DHX38: variants seen among roughly 807,000 people sequenced by gnomAD.
DHX38 encodes the protein DEAH-box helicase 38, also known as pre-mRNA-splicing factor ATP-dependent RNA helicase PRP16.
A neutral mutation model predicts 153.1 loss-of-function variants in DHX38; 100 were observed. The observed-to-expected ratio is 0.65, with a 90% confidence interval of 0.56 to 0.77. The LOEUF (loss-of-function observed/expected upper bound fraction) is 0.77. DHX38 is among the 30% of genes least tolerant of loss of function. The pLI is 0.00. For missense variants in DHX38, 1,440 were observed against 1,654.0 expected (o/e 0.87, Z 2.24); for synonymous variants, 650 against 631.7 (o/e 1.03, Z -0.43).
In DHX38 at chr16:72,103,617, G is replaced by A. The variant is rs771638072; in HGVS notation, c.1653G>A (p.Val551=). ...LLTIIRDNSI[V]IVVGETGSGK... is the part of the protein sequence containing the mutation. Reference sequence around the variant, plus strand: ...GTCCTTGTAGAGACAACAGCATCGTGATCGTGGTTGGGGAGACGGGGAGTG... The same window carrying A: ...GTCCTTGTAGAGACAACAGCATCGTAATCGTGGTTGGGGAGACGGGGAGTG... Residue 551 remains valine, a synonymous_variant, in exon 13 of 27, where the codon GTG becomes GTA. Transcript: ENST00000268482. 3 of 1,609,286 alleles carry A rather than the reference G, an allele frequency of 1.9e-6. No homozygotes were observed. Among genetic ancestry groups the A allele is most frequent in the Non-Finnish European group, 2.6e-6 (3 of 1,175,840 alleles).
rs957959745 is a variant in DHX38 at position 72,104,870 on chromosome 16, T to A, written c.2152-157T>A. Among the ~76,000 whole-genome samples the A allele has an allele frequency of 2.0e-5, 3 of 152,162 alleles. No homozygotes were observed. The highest frequency in any genetic ancestry group is 4.4e-5 in the Non-Finnish European group (3 of 68,032). On this transcript the variant is annotated intron_variant, in intron 15 of 26. Transcript: ENST00000268482. The surrounding 1 kb of genome is among the most constrained non-coding windows in gnomAD (Gnocchi z 4.5). ...GGGCCCAGGGAGGCACTGTGCCCTC[T>A]TGTAGAGGCCTCGCAGTCAGGCCCA...
Position 72,096,538 on chromosome 16 carries a change from A to G in DHX38, c.323+58A>G, listed in dbSNP as rs1401706319. 2.0e-6 allele frequency: 3 copies of G among 1,502,916 alleles called. No homozygotes were observed. The Admixed American group carries it at 7.0e-5, about 35-fold the overall frequency. The allele number at this position is 1,502,916 out of a possible 1,614,324, so 93.1% of individuals were successfully genotyped here. A position where few individuals can be genotyped will look rare whatever the true frequency, so the allele number is the denominator to read the frequency against. On this transcript the variant is annotated intron_variant, in intron 2 of 26. Transcript: ENST00000268482. Reference sequence around the variant, plus strand: ...AAGCGAACGGAGGCTGGAAAATAACAGCTCATGTTTATCTCTCAGTTTTCC... The same window carrying G: ...AAGCGAACGGAGGCTGGAAAATAACGGCTCATGTTTATCTCTCAGTTTTCC...
chr16:72,100,697 G>A (rs2042087774), intron 9 of DHX38, 100 bp downstream of exon 9: 1 of 1,499,370 alleles, frequency 6.7e-7, no homozygotes. Flanking sequence ...TTGGGAGGCT[G>A]AGGAGGGTGG....
At chr16:72,105,431 T>C in intron 17 of DHX38, 83 bp downstream of exon 17, 2 of 1,595,920 alleles carry the variant, frequency 1.3e-6, no homozygotes, top group Non-Finnish European at 1.7e-6. Context: ...TGGCAGGGGG[T>C]GGGCTAGGAG....
intron 1 of DHX38, among the ~76,000 whole-genome samples, chr16:72,094,964 G>T (rs112558210): frequency 2.0e-5 from 3 of 152,306 alleles, no homozygotes; most frequent in African/African-American, 7.2e-5. Flanking sequence ...CCAATATGCA[G>T]CTTTCTTTTT....
At chr16:72,109,331 C>T in intron 24 of DHX38, 84 bp from the exon 25 acceptor site, 1 of 1,465,124 alleles carries the variant, frequency 6.8e-7, no homozygotes, top group Non-Finnish European at 9.3e-7. Flanking sequence ...TGGGCCCTTC[C>T]CATGTGGCTC....
intron 12 of DHX38, 46 bp from the exon 13 acceptor site, chr16:72,103,556 G>T (rs370780973): frequency 2.5e-6 from 4 of 1,577,746 alleles, no homozygotes; most frequent in African/African-American, 2.7e-5. Flanking sequence ...CTGGGTGTTG[G>T]CCTTCCACTT....
chr16:72,103,909 G>T lies in DHX38; in HGVS notation c.1825-37G>T, dbSNP rs76205029. ...TACGGGGTGTGCTGGTGGTGAGCCG[G>T]TGGCCAGGGCATCTGAGCCATCTCT... is the stretch of plus-strand genomic sequence containing the variant. On this transcript the variant is annotated intron_variant, in intron 13 of 26. Coordinates refer to ENST00000268482, the MANE Select transcript of DHX38 (RefSeq NM_014003.4). The T allele has an allele frequency of 3.9e-3, 6,258 of 1,609,946 alleles. 199 individuals are homozygous for T. In the African/African-American group the frequency reaches 0.074, roughly 19 times the overall value.
At position 72,101,304 on chromosome 16, in the gene DHX38, A is replaced by T. The variant is rs558396750; in HGVS notation, c.1386+111A>T. 1.5e-5 allele frequency: 20 copies of T among 1,293,588 alleles called. No individual in the cohort carries two copies. In the South Asian group the frequency reaches 2.0e-4, roughly 13 times the overall value. The allele number at this position is 1,293,588 out of a possible 1,614,324, so 80.1% of individuals were successfully genotyped here. On this transcript the variant is annotated intron_variant, in intron 10 of 26. Coordinates refer to ENST00000268482, the MANE Select transcript of DHX38 (RefSeq NM_014003.4). ...TAGAAGTTAGGAGTCCCCTCTATCA[A>T]GTCCTTAGGCCCGACAGCTGCGGGG...
rs768022071 is a variant in DHX38 at position 72,104,037 on chromosome 16, G to A, written c.1916G>A (p.Arg639Gln). The A allele has an allele frequency of 3.7e-6, 6 of 1,614,028 alleles. No individual in the cohort carries two copies. The highest frequency in any genetic ancestry group is 1.7e-5 in the Admixed American group (1 of 60,004). ...TDGILLRESLREADLDHYSAI... is the reference protein window; with the variant it reads ...TDGILLRESLQEADLDHYSAI... Reference sequence around the variant, plus strand: ...GGGATCCTGCTCCGAGAGTCCCTCCGGGAAGCCGACCTGGATCACTACAGT... The same window carrying A: ...GGGATCCTGCTCCGAGAGTCCCTCCAGGAAGCCGACCTGGATCACTACAGT... Residue 639 changes from arginine (R) to glutamine (Q), a missense_variant, in exon 14 of 27, where the codon CGG (arginine) becomes CAG (glutamine). Arg to Gln is a conservative substitution (Grantham distance 43). Around this residue, in one of 6 missense-constraint regions of DHX38, gnomAD observed 21 missense variants for 46.7 expected, o/e 0.45. Coordinates refer to ENST00000268482, the MANE Select transcript of DHX38 (RefSeq NM_014003.4). The surrounding 1 kb of genome is among the most constrained non-coding windows in gnomAD (Gnocchi z 4.5).
At chr16:72,099,946 A>T in intron 8 of DHX38, 59 bp downstream of exon 8, 1 of 1,544,960 alleles carries the variant, frequency 6.5e-7, no homozygotes, top group Non-Finnish European at 8.7e-7. Flanking sequence ...CACGTGGGGA[A>T]GCAGCAGGTT....
chr16:72,099,695 T>C, intron 7 of DHX38, 37 bp from the exon 8 acceptor site: 1 of 1,610,698 alleles, frequency 6.2e-7, no homozygotes, highest in African/African-American at 1.3e-5. Context: ...AAACTTGATC[T>C]GTCCCTCACT....
chr16:72,104,584 C>T lies in DHX38; in HGVS notation c.2109C>T (p.His703=), dbSNP rs377383154. 1 of 1,614,208 alleles carries T rather than the reference C, an allele frequency of 6.2e-7. No individual in the cohort carries two copies. The highest frequency in any genetic ancestry group is 8.5e-7 in the Non-Finnish European group (1 of 1,180,040). The stretch of plus-strand genomic sequence containing the variant: ...TTTTTGGGAATGTCCCCATCTTCCA[C>T]ATCCCTGGCCGTACCTTCCCTGTTG... ...AAFFGNVPIF[H]IPGRTFPVDI... Residue 703 remains histidine, a synonymous_variant, in exon 15 of 27, where the codon CAC becomes CAT. Transcript: ENST00000268482. The surrounding 1 kb of genome is among the most constrained non-coding windows in gnomAD (Gnocchi z 4.5).
rs778924797 is a variant in DHX38 at position 72,101,245 on chromosome 16, T to C, written c.1386+52T>C. The C allele has an allele frequency of 1.2e-4, 195 of 1,597,986 alleles. 2 individuals are homozygous for C. The South Asian group carries it at 2.0e-3, about 17-fold the overall frequency. On this transcript the variant is annotated intron_variant, in intron 10 of 26. Coordinates refer to ENST00000268482, the MANE Select transcript of DHX38 (RefSeq NM_014003.4). ...AAGTTTATGTGTATTTTTTTCTTTT[T>C]TCTTCTCTTCATAAGTCTTACTAGG...
Position 72,104,216 on chromosome 16 carries a change from T to C in DHX38, c.2010+85T>C. ...AGCTAGTGGGTTGCTCCAGGTGGGCTGAGGGGGTCTCTGGTAGGCCAGAGG... is the reference window on the plus strand; with the variant it reads ...AGCTAGTGGGTTGCTCCAGGTGGGCCGAGGGGGTCTCTGGTAGGCCAGAGG... On this transcript the variant is annotated intron_variant, in intron 14 of 26. Coordinates refer to ENST00000268482, the MANE Select transcript of DHX38 (RefSeq NM_014003.4). This position sits in a 1 kb window ranked among gnomAD's most constrained non-coding sequence, Gnocchi z 4.5. The C allele has an allele frequency of 1.3e-6, 2 of 1,510,216 alleles. No individual in the cohort carries two copies. Among genetic ancestry groups the C allele is most frequent in the East Asian group, 2.3e-5 (1 of 43,536 alleles). 93.6% of individuals were successfully genotyped at this position (1,510,216 alleles called of 1,614,324 possible). A position where few individuals can be genotyped will look rare whatever the true frequency, so the allele number is the denominator to read the frequency against.
At position 72,105,288 on chromosome 16, in the gene DHX38, G is replaced by T; in HGVS notation, c.2319G>T (p.Leu773=). The T allele has an allele frequency of 6.2e-7, 1 of 1,614,154 alleles. No individual in the cohort carries two copies. Among genetic ancestry groups the T allele is most frequent in the Non-Finnish European group, 8.5e-7 (1 of 1,180,026 alleles). ...HLEELENAPA[L]AVLPIYSQLP... ...AGGAACTGGAGAACGCGCCTGCCCT[G>T]GCTGTGCTGCCCATCTACTCTCAGC... The change falls in exon 17 of 27, where the codon CTG becomes CTT. Residue 773 remains leucine (L), a synonymous_variant. Transcript: ENST00000268482.
chr16:72,109,119 A>T (rs977552923), intron 24 of DHX38, among the ~76,000 whole-genome samples, 194 bp downstream of exon 24: 1 of 152,172 alleles, frequency 6.6e-6, no homozygotes, highest in Non-Finnish European at 1.5e-5. Context: ...TCTAGACTGC[A>T]TTGACCTCAG....
rs778940669 is a variant in DHX38, at chr16:72,104,495, C to A, written c.2020C>A (p.Arg674=). The change falls in exon 15 of 27, where the codon CGG becomes AGG. Residue 674 remains arginine (R), a synonymous_variant. Coordinates refer to ENST00000268482, the MANE Select transcript of DHX38 (RefSeq NM_014003.4). This position sits in a 1 kb window ranked among gnomAD's most constrained non-coding sequence, Gnocchi z 4.5. ...LFGLLREVVA[R]RSDLKLIVTS... is the part of the protein sequence containing the mutation. ...CCGCCTCTTCTCTCAGGTAGTGGCT[C>A]GGCGCTCAGACCTGAAGCTCATCGT... The A allele has an allele frequency of 6.2e-7, 1 of 1,613,852 alleles. No homozygotes were observed. The highest frequency in any genetic ancestry group is 1.3e-5 in the African/African-American group (1 of 75,016).
Position 72,111,060 on chromosome 16 carries a change from C to T in DHX38, c.3582C>T (p.Ser1194=). Residue 1194 remains serine, a synonymous_variant, in exon 26 of 27, where the codon AGC becomes AGT. Transcript: ENST00000268482. The stretch of plus-strand genomic sequence containing the variant: ...GGCGGCAGGAGCAGGAGAAGCGCAG[C>T]CCCCTGGGCAGTGTCAGGTGAGCTC... ...RARRQEQEKR[S]PLGSVRSTKI... The T allele has an allele frequency of 3.2e-6, 5 of 1,567,560 alleles. No individual in the cohort carries two copies. Among genetic ancestry groups the T allele is most frequent in the Non-Finnish European group, 4.3e-6 (5 of 1,156,604 alleles).
Sources: allele counts gnomAD v4.1 joint callset (sites outside exome capture counted in the v4.1 genomes callset), GRCh38; gene constraint gnomAD v4.1.1; regional missense constraint gnomAD v4.1.1; non-coding constraint Gnocchi (gnomAD v3.1); transcripts MANE v1.5; gene names NCBI Gene and HGNC (gene_info 2026-07-23, HGNC 2026-07-21).